The following TANC2 variants were observed in gnomAD, a reference collection of about 807,000 sequenced individuals.
The protein encoded by TANC2 is protein TANC2.
In TANC2, 26 loss-of-function variants were observed where a neutral mutation model predicts 210.5. The observed-to-expected ratio is 0.12, with a 90% CI of 0.09 to 0.17. The LOEUF is 0.17. Ranked by LOEUF, TANC2 falls within the 10% of genes least tolerant of loss-of-function variation. The pLI, the probability that TANC2 is intolerant of heterozygous loss-of-function variation, is 1.00. For synonymous variants in TANC2, 931 were observed against 967.1 expected (o/e 0.96, Z 0.69); for missense variants, 2,129 against 2,608.9 (o/e 0.82, Z 4.01).
chr17:63,352,863 A>G (rs1317137547), intron 13 of TANC2, among the ~76,000 whole-genome samples: 3 of 152,142 alleles, frequency 2.0e-5, no homozygotes, highest in Admixed American at 6.6e-5. Context: ...CAAAATGAAC[A>G]AGACAGGCAA....
At chr17:63,187,473 A>G (rs1479128499) in intron 5 of TANC2, among the ~76,000 whole-genome samples, 1 of 152,220 alleles carries the variant, frequency 6.6e-6, no homozygotes, top group Non-Finnish European at 1.5e-5. Context: ...CTTAATTGCC[A>G]TATATAGCTA....
At chr17:63,198,492 G>T (rs920788332) in intron 6 of TANC2, among the ~76,000 whole-genome samples, 2 of 151,938 alleles carry the variant, frequency 1.3e-5, no homozygotes, top group African/African-American at 2.4e-5. Context: ...CACCATGCTG[G>T]GCCTAAAACT....
chr17:63,389,055 T>G (rs1024213570), intron 16 of TANC2, among the ~76,000 whole-genome samples: 1 of 152,218 alleles, frequency 6.6e-6, no homozygotes, highest in African/African-American at 2.4e-5. Flanking sequence ...GACCAAGAGC[T>G]CACTTCGTAG....
chr17:63,294,514 A>G (rs927596791), intron 9 of TANC2, among the ~76,000 whole-genome samples: 4 of 152,216 alleles, frequency 2.6e-5, no homozygotes, highest in Middle Eastern at 3.4e-3. Context: ...TCCCAAGTTT[A>G]TCTTTTTTGT....
chr17:63,405,962 T>A (rs2048490855), intron 20 of TANC2, among the ~76,000 whole-genome samples, 192 bp from the exon 21 acceptor site: 1 of 152,224 alleles, frequency 6.6e-6, no homozygotes, highest in Admixed American at 6.5e-5. Flanking sequence ...TGAATCCTTC[T>A]CATTTGACTG....
At chr17:63,151,338 C>G in exon 5 of TANC2, 1 of 985,814 alleles carries the variant, frequency 1.0e-6, no homozygotes, top group Non-Finnish European at 1.2e-6. Flanking sequence ...CTCACCAACC[C>G]TCACTTCAGC....
Position 62,966,364 on chromosome 17 carries a change from G to T in TANC2, c.-409G>T, listed in dbSNP as rs545793524. ...AAGCTGCGAGCGCTCCGAGCGCCCG[G>T]CCTAGGGCCGCTGGCGCTGCCCTCC... On this transcript the variant is annotated 5_prime_UTR_variant, in exon 1 of 28. Transcript: ENST00000689528. This position sits in a 1 kb window ranked among gnomAD's most constrained non-coding sequence, Gnocchi z 5.1. Among the ~76,000 whole-genome samples, 1 of 147,324 alleles carries T rather than the reference G, an allele frequency of 6.8e-6. No homozygotes were observed. The highest frequency in any genetic ancestry group is 2.4e-5 in the African/African-American group (1 of 41,070).
At chr17:63,411,484 G>T (rs2048701826) in intron 21 of TANC2, 27 bp from the exon 22 acceptor site, 2 of 1,593,040 alleles carry the variant, frequency 1.3e-6, no homozygotes, top group Non-Finnish European at 8.5e-7. Context: ...TGTCTCCTCA[G>T]CCCTGTGCTA....
chr17:63,093,496 T>C (rs888338337), intron 3 of TANC2, among the ~76,000 whole-genome samples: 3 of 152,186 alleles, frequency 2.0e-5, no homozygotes, highest in Admixed American at 2.0e-4. Flanking sequence ...TAACACCATC[T>C]AAGCTCTGGA....
chr17:63,104,844 ACT>A (rs1249125736), intron 4 of TANC2, among the ~76,000 whole-genome samples: 3 of 148,012 alleles, frequency 2.0e-5, no homozygotes, highest in Non-Finnish European at 2.9e-5. Flanking sequence ...TCATTTCCTG[ACT>A]CTGTAATCTC....
chr17:63,097,312 C>G (rs1277198581), intron 3 of TANC2, among the ~76,000 whole-genome samples: 1 of 152,032 alleles, frequency 6.6e-6, no homozygotes, highest in Admixed American at 6.6e-5. Context: ...CTCTCAAAGT[C>G]TTGGGATTAT....
chr17:63,072,788 A>G (rs1339851796), intron 2 of TANC2, among the ~76,000 whole-genome samples: 1 of 152,126 alleles, frequency 6.6e-6, no homozygotes, highest in Non-Finnish European at 1.5e-5. Flanking sequence ...AGCCCTCTAC[A>G]AAATAGAGAA....
intron 6 of TANC2, among the ~76,000 whole-genome samples, chr17:63,200,182 C>A (rs2041479565): frequency 6.6e-6 from 1 of 151,584 alleles, no homozygotes. Flanking sequence ...ATGGTGAAAC[C>A]CCATCTCTAC....
intron 2 of TANC2, among the ~76,000 whole-genome samples, chr17:63,062,219 G>A (rs556605244): frequency 6.6e-6 from 1 of 152,230 alleles, no homozygotes; most frequent in Admixed American, 6.5e-5. Context: ...GTTTACCCAA[G>A]TATGTATAAG....
intron 5 of TANC2, among the ~76,000 whole-genome samples, chr17:63,159,404 T>C (rs2039948034): frequency 6.6e-6 from 1 of 152,230 alleles, no homozygotes; most frequent in Non-Finnish European, 1.5e-5. Context: ...TTATCCGTAT[T>C]ATATAAAATA....
At chr17:63,234,234 T>C (rs150953677) in intron 7 of TANC2, among the ~76,000 whole-genome samples, 49 of 152,334 alleles carry the variant, frequency 3.2e-4, no homozygotes, top group African/African-American at 1.1e-3. Context: ...CAGTACTATA[T>C]TCCTAGCAGA....
At chr17:63,397,139 G>T (rs1289814683) in intron 18 of TANC2, among the ~76,000 whole-genome samples, 1 of 152,058 alleles carries the variant, frequency 6.6e-6, no homozygotes, top group East Asian at 1.9e-4. Flanking sequence ...GTCAGGCGTG[G>T]CAGTAGGCAC....
chr17:63,251,949 A>G (rs1598708750), intron 8 of TANC2, among the ~76,000 whole-genome samples: 1 of 152,186 alleles, frequency 6.6e-6, no homozygotes, highest in Admixed American at 6.5e-5. Context: ...TAGGTATTTC[A>G]ATAGTAAAGA....
At chr17:63,173,625 G>A (rs2040484038) in intron 5 of TANC2, among the ~76,000 whole-genome samples, 1 of 152,024 alleles carries the variant, frequency 6.6e-6, no homozygotes, top group Non-Finnish European at 1.5e-5. Context: ...TCCCATTCCT[G>A]TGCCTGCCTT....
Sources: gnomAD v4.1 joint callset for allele counts (sites outside exome capture counted in the v4.1 genomes callset) on GRCh38, gnomAD v4.1.1 for gene constraint, Gnocchi (gnomAD v3.1) non-coding constraint, MANE v1.5 for transcripts, NCBI Gene and HGNC (gene_info 2026-07-23, HGNC 2026-07-21) for gene names.